Variants in SLCO4C1 observed in about 807,000 individuals in gnomAD.
The protein encoded by SLCO4C1 is solute carrier organic anion transporter family member 4C1.
A neutral mutation model predicts 72.1 loss-of-function variants in SLCO4C1; 58 were observed. The observed-to-expected ratio is 0.80, with a 90% CI of 0.65 to 1.00. SLCO4C1 has a LOEUF of 1.00. SLCO4C1 is among the 50% of genes least tolerant of loss of function. The probability of loss-of-function intolerance (pLI) is 0.00; values close to 1 mark genes in which losing one functional copy is unlikely to be tolerated. For missense variants in SLCO4C1, 898 were observed against 857.9 expected (o/e 1.05, Z -0.58); for synonymous variants, 297 against 312.5 (o/e 0.95, Z 0.52).
Position 102,239,569 on chromosome 5 carries a change from T to A in SLCO4C1, c.1877-181A>T, listed in dbSNP as rs6871157. Among the ~76,000 whole-genome samples the A allele has an allele frequency of 0.081, 12,242 of 152,048 alleles. 836 individuals carry two copies. Among genetic ancestry groups the A allele is most frequent in the African/African-American group, 0.19 (7,985 of 41,500 alleles). ...AAGCAGATACAATATTCTAAAATAA[T>A]TATATGTAATTACTATGTATTTCTA... On this transcript the variant is annotated intron_variant, in intron 11 of 12. Transcript: ENST00000310954.
intron 8 of SLCO4C1, among the ~76,000 whole-genome samples, chr5:102,254,751 G>C (rs1239442542): frequency 6.6e-6 from 1 of 152,124 alleles, no homozygotes; most frequent in Non-Finnish European, 1.5e-5. Flanking sequence ...CTAGAAATAA[G>C]GTTATTGTAT....
At chr5:102,263,468 A>G (rs1009041545) in intron 4 of SLCO4C1, among the ~76,000 whole-genome samples, 3 of 152,014 alleles carry the variant, frequency 2.0e-5, no homozygotes, top group African/African-American at 7.2e-5. Flanking sequence ...ATTATTTATG[A>G]AAATATGTTA....
In SLCO4C1 at chr5:102,296,161, G is replaced by C. The variant is rs749654177; in HGVS notation, c.102C>G (p.Ala34=). Residue 34 remains alanine, a synonymous_variant, in exon 1 of 13, where the codon GCC becomes GCG. Coordinates refer to ENST00000310954, the MANE Select transcript of SLCO4C1 (RefSeq NM_180991.5). The stretch of plus-strand genomic sequence containing the variant: ...TCTCTCTTTGGGGGTCAGAGGACAA[G>C]GCAGAGACTTCGATTTGGGAGGGCG... The part of the protein sequence containing the change: ...SASPSQIEVS[A]LSSDPQRENS... 2.5e-6 allele frequency: 4 copies of C among 1,611,632 alleles called. No homozygotes were observed. The African/African-American group carries it at 4.0e-5, about 16-fold the overall frequency.
chr5:102,274,031 CTA>C (rs1749201092), intron 2 of SLCO4C1, among the ~76,000 whole-genome samples: 1 of 151,834 alleles, frequency 6.6e-6, no homozygotes, highest in Admixed American at 6.6e-5. Context: ...TAAAAATATA[CTA>C]TAATTATTTA....
At chr5:102,264,354 A>G (rs911897935) in intron 3 of SLCO4C1, among the ~76,000 whole-genome samples, 1 of 152,154 alleles carries the variant, frequency 6.6e-6, no homozygotes, top group African/African-American at 2.4e-5. Flanking sequence ...GTTGCCATAT[A>G]TAACTCTGAA....
At chr5:102,241,333 A>T (rs1748536039) in intron 10 of SLCO4C1, among the ~76,000 whole-genome samples, 1 of 152,184 alleles carries the variant, frequency 6.6e-6, no homozygotes, top group Admixed American at 6.5e-5. Flanking sequence ...TGTGAAGATG[A>T]CATGGTCATA....
At chr5:102,289,090 T>A (rs1332010703) in intron 2 of SLCO4C1, among the ~76,000 whole-genome samples, 2 of 152,170 alleles carry the variant, frequency 1.3e-5, no homozygotes, top group Non-Finnish European at 2.9e-5. Flanking sequence ...TTATTTAAAT[T>A]ATGAGTCAAT....
chr5:102,287,233 T>G (rs1013263840), intron 2 of SLCO4C1, among the ~76,000 whole-genome samples: 12 of 152,164 alleles, frequency 7.9e-5, no homozygotes, highest in African/African-American at 2.9e-4. Context: ...CTACTCTCCC[T>G]AAAGTTTGAC....
rs1183745548 is a variant in SLCO4C1 at position 102,249,934 on chromosome 5, CAT to C, written c.1470-148_1470-147del. 3.8e-6 allele frequency: 3 copies of C among 798,116 alleles called. No individual in the cohort carries two copies. The East Asian group carries it at 8.1e-5, about 21-fold the overall frequency. The allele number at this position is 798,116 out of a possible 1,614,324, so 49.4% of individuals were successfully genotyped here. A position where few individuals can be genotyped will look rare whatever the true frequency, so the allele number is the denominator to read the frequency against. ...AACAAATAAAACGTCTTCCTTTGCA[CAT>C]AAAGTTTAACTTCTTGTCGGAGAGA... On this transcript the variant is annotated intron_variant, in intron 8 of 12. Transcript: ENST00000310954.
At chr5:102,289,696 T>G (rs1749519228) in intron 2 of SLCO4C1, among the ~76,000 whole-genome samples, 1 of 152,268 alleles carries the variant, frequency 6.6e-6, no homozygotes, top group East Asian at 1.9e-4. Flanking sequence ...TATGTCAAGT[T>G]GCCTTGTGCA....
intron 2 of SLCO4C1, among the ~76,000 whole-genome samples, chr5:102,281,575 GTC>G (rs1300128811): frequency 2.6e-5 from 4 of 151,938 alleles, no homozygotes; most frequent in Admixed American, 6.6e-5. Context: ...AAACATAAAT[GTC>G]TCTCTAAACT....
rs543157566 is a variant in SLCO4C1 at position 102,276,493 on chromosome 5, T to C, written c.620-5687A>G. On this transcript the variant is annotated intron_variant, in intron 2 of 12. Coordinates refer to ENST00000310954, the MANE Select transcript of SLCO4C1 (RefSeq NM_180991.5). ...GGTCAGAGGGCCCAACTGACAAGCA[T>C]AGCTTCCTTCTATCATGCAGTTCTT... 3.3e-5 allele frequency among the ~76,000 whole-genome samples: 5 copies of C among 152,318 alleles called. No individual in the cohort carries two copies. The East Asian group carries it at 9.6e-4, about 29-fold the overall frequency.
chr5:102,286,413 A>G (rs1459728096), intron 2 of SLCO4C1, among the ~76,000 whole-genome samples: 1 of 152,152 alleles, frequency 6.6e-6, no homozygotes, highest in Non-Finnish European at 1.5e-5. Context: ...ACTCATCTAA[A>G]AGAAATTAAG....
At chr5:102,262,092 T>G in intron 4 of SLCO4C1, 59 bp from the exon 5 acceptor site, 1 of 1,479,042 alleles carries the variant, frequency 6.8e-7, no homozygotes, top group South Asian at 1.2e-5. Context: ...TAAAACTCAG[T>G]TAGGATAATC....
intron 4 of SLCO4C1, 85 bp from the exon 5 acceptor site, chr5:102,262,118 C>G: frequency 9.1e-7 from 1 of 1,094,086 alleles, no homozygotes; most frequent in Non-Finnish European, 1.3e-6. Context: ...CTTTATACTT[C>G]AAGTGCATAT....
rs1748416448 is a variant in SLCO4C1 at position 102,235,518 on chromosome 5, T to A, written c.*1340A>T. ...AAACAGGGTTATAACATTATCAGGC[T>A]TGTAAAATACTTTATCAAATCAATG... On this transcript the variant is annotated 3_prime_UTR_variant, in exon 13 of 13. Coordinates refer to ENST00000310954, the MANE Select transcript of SLCO4C1 (RefSeq NM_180991.5). The A allele has an allele frequency of 6.6e-6, 1 of 152,240 alleles. No homozygotes were observed. Among genetic ancestry groups the A allele is most frequent in the Admixed American group, 6.5e-5 (1 of 15,288 alleles). 9.4% of individuals were successfully genotyped at this position (152,240 alleles called of 1,614,324 possible).
intron 1 of SLCO4C1, among the ~76,000 whole-genome samples, chr5:102,294,828 T>C (rs1254934617): frequency 6.6e-6 from 1 of 152,216 alleles, no homozygotes; most frequent in African/African-American, 2.4e-5. Context: ...GAACAAAAAG[T>C]ATACTTAGGC....
At chr5:102,256,194 A>G (rs1456619776) in intron 8 of SLCO4C1, among the ~76,000 whole-genome samples, 1 of 152,124 alleles carries the variant, frequency 6.6e-6, no homozygotes, top group Non-Finnish European at 1.5e-5. Flanking sequence ...ACAGAGCAAG[A>G]CTCTCTGTCT....
rs535482181 is a variant in SLCO4C1, at chr5:102,274,993, A to C, written c.620-4187T>G. Among the ~76,000 whole-genome samples, 3 of 152,284 alleles carry C rather than the reference A, an allele frequency of 2.0e-5. No homozygotes were observed. In the South Asian group the frequency reaches 6.2e-4, roughly 32 times the overall value. The stretch of plus-strand genomic sequence containing the variant: ...ACCACGGCATTTACAGAAAGATGTC[A>C]TAAGAAAAAAAAGGCAGCATAATTT... On this transcript the variant is annotated intron_variant, in intron 2 of 12. Transcript: ENST00000310954.
Sources: allele counts gnomAD v4.1 joint callset (sites outside exome capture counted in the v4.1 genomes callset), GRCh38; gene constraint gnomAD v4.1.1; transcripts MANE v1.5; gene names NCBI Gene and HGNC (gene_info 2026-07-23, HGNC 2026-07-21).